The following CEP350 variants were observed in gnomAD, a reference collection of about 807,000 sequenced individuals.
CEP350 encodes centrosome-associated protein 350.
A neutral mutation model predicts 331.8 loss-of-function variants in CEP350; 126 were observed. The ratio of observed to expected loss-of-function variants is 0.38; its 90% CI spans 0.33 to 0.44. The LOEUF is 0.44. CEP350 is among the 20% of genes least tolerant of loss of function. The probability of loss-of-function intolerance (pLI) is 1.00; values close to 1 mark genes in which losing one functional copy is unlikely to be tolerated. For synonymous variants in CEP350, 1,200 were observed against 1,259.5 expected (o/e 0.95, Z 1.00); for missense variants, 3,406 against 3,634.6 (o/e 0.94, Z 1.62).
At chr1:180,038,008 A>G (rs760486222) in intron 17 of CEP350, among the ~76,000 whole-genome samples, 2 of 152,118 alleles carry the variant, frequency 1.3e-5, no homozygotes, top group Non-Finnish European at 2.9e-5. Flanking sequence ...TAATCAAGAT[A>G]TAGAACCCTT....
At chr1:180,105,365 T>C (rs1661089810) in intron 37 of CEP350, among the ~76,000 whole-genome samples, 2 of 152,108 alleles carry the variant, frequency 1.3e-5, no homozygotes. Context: ...GACTACGATC[T>C]GTATGTTCAC....
At chr1:179,990,745 C>G in intron 4 of CEP350, 124 bp downstream of exon 4, 1 of 498,874 alleles carries the variant, frequency 2.0e-6, no homozygotes, top group Admixed American at 3.4e-5. Context: ...TTTGTAGAGA[C>G]GAAGTCTCTC....
intron 37 of CEP350, among the ~76,000 whole-genome samples, chr1:180,107,798 G>A (rs1249060510): frequency 6.6e-6 from 1 of 151,306 alleles, no homozygotes; most frequent in Non-Finnish European, 1.5e-5. Flanking sequence ...TATTCCACCA[G>A]CCTAATACCC....
chr1:179,999,952 A>G (rs1389901398), intron 6 of CEP350, among the ~76,000 whole-genome samples: 1 of 151,990 alleles, frequency 6.6e-6, no homozygotes, highest in African/African-American at 2.4e-5. Flanking sequence ...TTGTTTGCAT[A>G]TTTTTTTCTT....
chr1:180,103,961 A>G (rs1016371199), intron 37 of CEP350, among the ~76,000 whole-genome samples: 26 of 139,248 alleles, frequency 1.9e-4, no homozygotes, highest in Admixed American at 7.7e-4. Flanking sequence ...TACAAAATAT[A>G]TACAAATATA....
At chr1:180,033,300 AAG>A (rs927800681) in intron 15 of CEP350, among the ~76,000 whole-genome samples, 4 of 152,184 alleles carry the variant, frequency 2.6e-5, no homozygotes, top group Non-Finnish European at 5.9e-5. Context: ...AAGTTCAAGA[AAG>A]AGATGTAGTA....
Position 180,090,751 on chromosome 1 carries a change from T to C in CEP350, c.6463T>C (p.Ser2155Pro). 1 of 1,552,724 alleles carries C rather than the reference T, an allele frequency of 6.4e-7. No individual in the cohort carries two copies. Among genetic ancestry groups the C allele is most frequent in the Non-Finnish European group, 8.7e-7 (1 of 1,147,408 alleles). The change falls in exon 33 of 38, where the codon TCA becomes CCA. Residue 2155 changes from serine (S) to proline (P), a missense_variant. By Grantham distance (74) the Ser-to-Pro change is moderately conservative. Coordinates refer to ENST00000367607, the MANE Select transcript of CEP350 (RefSeq NM_014810.5). ...TAKNWKSLTESERSRGSLESI... is the reference protein window; with the variant it reads ...TAKNWKSLTEPERSRGSLESI... ...AAAGAATTGGAAATCACTAACAGAG[T>C]CAGAACGTTCCAGAGGATCCCTGGA...
chr1:180,080,554 A>C lies in CEP350; in HGVS notation c.6017A>C (p.Glu2006Ala). ...PKSCTSVSKQ[E>A]SSKGSHRTGG... is the part of the protein sequence containing the mutation. ...AGCTGCACATCTGTGTCAAAGCAGG[A>C]GTCTAGCAAAGGAAGTCATAGGACT... is the stretch of plus-strand genomic sequence containing the variant. Residue 2006 changes from glutamate (E) to alanine (A), a missense_variant, in exon 30 of 38, where the codon GAG (glutamate) becomes GCG (alanine). Coordinates refer to ENST00000367607, the MANE Select transcript of CEP350 (RefSeq NM_014810.5). The C allele has an allele frequency of 6.2e-7, 1 of 1,613,738 alleles. No homozygotes were observed. Among genetic ancestry groups the C allele is most frequent in the Non-Finnish European group, 8.5e-7 (1 of 1,179,648 alleles).
chr1:180,064,915 G>A (rs1053381950), intron 26 of CEP350, among the ~76,000 whole-genome samples, 200 bp from the exon 27 acceptor site: 2 of 151,792 alleles, frequency 1.3e-5, no homozygotes, highest in Non-Finnish European at 2.9e-5. Flanking sequence ...TATATAAATG[G>A]TGGTAAAAAT....
At position 180,004,880 on chromosome 1, in the gene CEP350, TTGCTTGCTTG is replaced by T. The variant is rs1254850973; in HGVS notation, c.1133-1573_1133-1564del. ...TGGGCAGGCAGGCTGGCTGGCTTGC[TTGCTTGCTTG>T]CTTGCTTGCTTGCTTGCTTTCTTTC... On this transcript the variant is annotated intron_variant, in intron 7 of 37. Transcript: ENST00000367607. Among the ~76,000 whole-genome samples the T allele has an allele frequency of 2.1e-3, 155 of 72,664 alleles. 3 individuals carry two copies. The highest frequency in any genetic ancestry group is 0.01 in the South Asian group (17 of 1,692). The allele number at this position is 72,664 out of a possible 152,430, so 47.7% of individuals were successfully genotyped here. A position where few individuals can be genotyped will look rare whatever the true frequency, so the allele number is the denominator to read the frequency against.
chr1:180,013,757 A>G (rs1344370466), intron 9 of CEP350, 90 bp from the exon 10 acceptor site: 1 of 1,176,614 alleles, frequency 8.5e-7, no homozygotes. Context: ...GTAAGATAAA[A>G]TGAAATTCTC....
chr1:179,977,050 G>A (rs1651921805), intron 1 of CEP350, among the ~76,000 whole-genome samples: 1 of 152,092 alleles, frequency 6.6e-6, no homozygotes, highest in Non-Finnish European at 1.5e-5. Context: ...GCTCCTTATA[G>A]CTCATGTTCC....
chr1:180,063,752 G>A (rs1175968216), intron 26 of CEP350, among the ~76,000 whole-genome samples: 2 of 152,048 alleles, frequency 1.3e-5, no homozygotes, highest in Non-Finnish European at 2.9e-5. Flanking sequence ...GGCCAAAGCT[G>A]CAGTAAGCTG....
rs1660312221 is a variant in CEP350, at chr1:180,093,563, T to C, written c.7458T>C (p.Ala2486=). 6.2e-7 allele frequency: 1 copy of C among 1,613,986 alleles called. No homozygotes were observed. The highest frequency in any genetic ancestry group is 8.5e-7 in the Non-Finnish European group (1 of 1,179,846). ...EQQVTESPSL[A]SVPTADELFD... ...AAGTTACTGAATCCCCTTCCTTGGC[T>C]TCAGTTCCTACTGCAGACGAGTTAT... The change falls in exon 34 of 38, where the codon GCT becomes GCC. Residue 2486 remains alanine (A), a synonymous_variant. Coordinates refer to ENST00000367607, the MANE Select transcript of CEP350 (RefSeq NM_014810.5).
chr1:180,013,963 C>T lies in CEP350; in HGVS notation c.1510C>T (p.Leu504=). 1 of 1,613,668 alleles carries T rather than the reference C, an allele frequency of 6.2e-7. No homozygotes were observed. Among genetic ancestry groups the T allele is most frequent in the Non-Finnish European group, 8.5e-7 (1 of 1,179,666 alleles). ...TCGGTCTGAAAATAATATAAAGAAACTAGCTTCATCTCTTCCAGATAATAA... is the reference window on the plus strand; with the variant it reads ...TCGGTCTGAAAATAATATAAAGAAATTAGCTTCATCTCTTCCAGATAATAA... ...KSRSENNIKK[L]ASSLPDNKQE... The change falls in exon 10 of 38, where the codon CTA becomes TTA. Residue 504 remains leucine (L), a synonymous_variant. Transcript: ENST00000367607.
intron 32 of CEP350, among the ~76,000 whole-genome samples, 155 bp from the exon 33 acceptor site, chr1:180,090,545 CAAAAAAAAAAAAAA>C (rs36128628): frequency 4.8e-4 from 37 of 77,364 alleles, no homozygotes; most frequent in African/African-American, 2.0e-3. Context: ...GACTCCGTCT[CAAAAAAAAAAAAAA>C]AAAAAAAAAA....
chr1:180,041,757 A>C lies in CEP350; in HGVS notation c.4317A>C (p.Ser1439=). The C allele has an allele frequency of 1.2e-6, 2 of 1,613,242 alleles. No homozygotes were observed. The highest frequency in any genetic ancestry group is 1.7e-6 in the Non-Finnish European group (2 of 1,179,514). Residue 1439 remains serine (S), a synonymous_variant, in exon 19 of 38, where the codon TCA becomes TCC. Coordinates refer to ENST00000367607, the MANE Select transcript of CEP350 (RefSeq NM_014810.5). ...EATCKIAAQQ[S]ETARLTTDAA... ...CGTGTAAAATAGCAGCTCAGCAGTC[A>C]GAAACTGCTCGCCTCACCACAGACG... is the stretch of plus-strand genomic sequence containing the variant.
At chr1:180,108,247 A>G (rs1438121279) in intron 37 of CEP350, among the ~76,000 whole-genome samples, 4 of 152,212 alleles carry the variant, frequency 2.6e-5, no homozygotes, top group Middle Eastern at 3.2e-3. Context: ...TCATGAGCAT[A>G]TATTTCTACT....
chr1:180,028,747 T>A (rs926647360), intron 14 of CEP350, among the ~76,000 whole-genome samples: 1 of 151,892 alleles, frequency 6.6e-6, no homozygotes, highest in African/African-American at 2.4e-5. Context: ...GAGGCTGCAG[T>A]GAGCCATGAT....
Sources: gnomAD v4.1 joint callset for allele counts (sites outside exome capture counted in the v4.1 genomes callset) on GRCh38, gnomAD v4.1.1 for gene constraint, MANE v1.5 for transcripts, NCBI Gene and HGNC (gene_info 2026-07-23, HGNC 2026-07-21) for gene names.